The following MYO5B variants were observed in gnomAD, a reference collection of about 807,000 sequenced individuals.
MYO5B encodes the protein myosin VB, also known as unconventional myosin-Vb.
A neutral mutation model predicts 229.3 loss-of-function variants in MYO5B; 143 were observed. The observed-to-expected ratio is 0.62, with a 90% confidence interval of 0.54 to 0.72. The LOEUF (loss-of-function observed/expected upper bound fraction) is 0.72, where lower values mean the gene tolerates loss of function less well. Among genes scored for constraint, MYO5B ranks in the 30% least tolerant of loss-of-function variants. The pLI is 0.00. For synonymous variants in MYO5B, 918 were observed against 885.2 expected, an observed-to-expected ratio of 1.04 and a Z score of -0.66; for missense variants, 2,321 against 2,331.0, an observed-to-expected ratio of 1.00 and a Z score of 0.09.
intron 1 of MYO5B, among the ~76,000 whole-genome samples, chr18:50,105,568 G>A (rs554723182): frequency 6.6e-6 from 1 of 152,238 alleles, no homozygotes; most frequent in Non-Finnish European, 1.5e-5. Context: ...TATAGTGATG[G>A]AGGACAGGTC....
At position 50,055,314 on chromosome 18, in the gene MYO5B, T is replaced by C. The variant is rs527660873; in HGVS notation, c.92A>G (p.Tyr31Cys). 14 of 1,612,644 alleles carry C rather than the reference T, an allele frequency of 8.7e-6. No homozygotes were observed. The highest frequency in any genetic ancestry group is 3.3e-5 in the Admixed American group (2 of 59,918). The change falls in exon 2 of 40, where the codon TAC (tyrosine) becomes TGC (cysteine). Residue 31 changes from tyrosine to cysteine, a missense_variant. Coordinates refer to ENST00000285039, the MANE Select transcript of MYO5B (RefSeq NM_001080467.3). Reference protein sequence around the residue: ...VWRSAELTKDYKEGDKSLQLR... With the variant: ...VWRSAELTKDCKEGDKSLQLR... ...CTGTAGGCTCTTGTCTCCTTCTTTGTAGTCCTTGGTTAACTCAGCTGAGCG... is the reference window on the plus strand; with the variant it reads ...CTGTAGGCTCTTGTCTCCTTCTTTGCAGTCCTTGGTTAACTCAGCTGAGCG...
chr18:49,999,091 C>T (rs941123672), intron 5 of MYO5B, among the ~76,000 whole-genome samples: 1 of 152,212 alleles, frequency 6.6e-6, no homozygotes, highest in East Asian at 1.9e-4. Context: ...CACTAAACTT[C>T]CAGCATGACT....
At chr18:49,936,476 A>C in intron 15 of MYO5B, 127 bp from the exon 16 acceptor site, 1 of 768,888 alleles carries the variant, frequency 1.3e-6, no homozygotes, top group Non-Finnish European at 2.3e-6. Flanking sequence ...GGATGGAAGA[A>C]ATTTCAGAGA....
intron 7 of MYO5B, among the ~76,000 whole-genome samples, chr18:49,989,610 AG>A (rs1489922016): frequency 6.6e-6 from 1 of 152,200 alleles, no homozygotes; most frequent in Admixed American, 6.5e-5. Flanking sequence ...CACACAGAGA[AG>A]GGCCAAAGGC....
rs200099934 is a variant in MYO5B at position 49,939,139 on chromosome 18, C to CT, written c.1753-1743dup. 5.1e-4 allele frequency among the ~76,000 whole-genome samples: 66 copies of CT among 130,620 alleles called. 1 individual carries two copies. The highest frequency in any genetic ancestry group is 2.5e-4 in the South Asian group (1 of 4,078). 85.7% of individuals were successfully genotyped at this position (130,620 alleles called of 152,430 possible). Reference sequence around the variant, plus strand: ...GGGGTTATATACATTAACACTCTTTCTTTTTTTTCTTTTTTTTTTTTTTTT... The same window carrying CT: ...GGGGTTATATACATTAACACTCTTTCTTTTTTTTTCTTTTTTTTTTTTTTTT... On this transcript the variant is annotated intron_variant, in intron 14 of 39. Transcript: ENST00000285039.
rs543597434 is a variant in MYO5B, at chr18:50,183,482, T to C, written c.27+11285A>G. Among the ~76,000 whole-genome samples the C allele has an allele frequency of 2.0e-5, 3 of 151,846 alleles. No individual in the cohort carries two copies. The East Asian group carries it at 5.8e-4, about 29-fold the overall frequency. On this transcript the variant is annotated intron_variant, in intron 1 of 39. Coordinates refer to ENST00000285039, the MANE Select transcript of MYO5B (RefSeq NM_001080467.3). ...AGATGAGGAAAGGCTTCCAGGAGTC[T>C]CAGGTCATGGCCCAGAAAGAAAGCA...
At chr18:49,940,557 C>A (rs148042990) in intron 14 of MYO5B, among the ~76,000 whole-genome samples, 1 of 152,286 alleles carries the variant, frequency 6.6e-6, no homozygotes, top group Non-Finnish European at 1.5e-5. Flanking sequence ...GGCATAAGAC[C>A]ATCAGCAACT....
At chr18:49,958,299 C>T (rs73440570) in intron 12 of MYO5B, among the ~76,000 whole-genome samples, 17,848 of 152,202 alleles carry the variant, frequency 0.12, 1,172 homozygotes, top group African/African-American at 0.18. Flanking sequence ...AACTCCTAAA[C>T]CCCAATTTAT....
chr18:49,943,735 G>A (rs930874611), intron 14 of MYO5B, among the ~76,000 whole-genome samples: 1 of 152,140 alleles, frequency 6.6e-6, no homozygotes, highest in Non-Finnish European at 1.5e-5. Flanking sequence ...TCTATATCAT[G>A]GAGTTTATGG....
In MYO5B at chr18:50,123,045, G is replaced by A. The variant is rs111421547; in HGVS notation, c.28-67667C>T. On this transcript the variant is annotated intron_variant, in intron 1 of 39. Transcript: ENST00000285039. ...TGAATGGCAGCATTATTCACAACAG[G>A]TAAAAGGTGGAAACAACCCAAGTGT... Among the ~76,000 whole-genome samples the A allele has an allele frequency of 4.3e-3, 648 of 152,286 alleles. 2 individuals are homozygous for A. Among genetic ancestry groups the A allele is most frequent in the Non-Finnish European group, 7.4e-3 (504 of 68,024 alleles).
intron 1 of MYO5B, among the ~76,000 whole-genome samples, chr18:50,193,922 G>A (rs1336290198): frequency 1.3e-5 from 2 of 152,134 alleles, no homozygotes; most frequent in Admixed American, 6.5e-5. Context: ...TGCGGAACGC[G>A]GGCGTCTCCG....
chr18:49,885,901 A>G (rs923741860), intron 22 of MYO5B, among the ~76,000 whole-genome samples: 11 of 152,308 alleles, frequency 7.2e-5, no homozygotes, highest in Non-Finnish European at 1.6e-4. Context: ...TACACAATAC[A>G]ATACTATTAA....
At chr18:49,835,159 CAGTA>C (rs2023972618) in intron 39 of MYO5B, among the ~76,000 whole-genome samples, 181 bp downstream of exon 39, 1 of 152,116 alleles carries the variant, frequency 6.6e-6, no homozygotes, top group Non-Finnish European at 1.5e-5. Flanking sequence ...TGTGTGTAAA[CAGTA>C]AGTTACTCAT....
chr18:50,077,024 G>A (rs1599002649), intron 1 of MYO5B, among the ~76,000 whole-genome samples: 1 of 151,644 alleles, frequency 6.6e-6, no homozygotes, highest in Non-Finnish European at 1.5e-5. Flanking sequence ...TGCCTGCAAA[G>A]ATGTCATCAG....
At position 50,040,188 on chromosome 18, in the gene MYO5B, A is replaced by G; in HGVS notation, c.265T>C (p.Leu89=). 6.2e-7 allele frequency: 1 copy of G among 1,614,148 alleles called. No homozygotes were observed. The change falls in exon 3 of 40, where the codon TTG becomes CTG. Residue 89 remains leucine (L), a synonymous_variant. Coordinates refer to ENST00000285039, the MANE Select transcript of MYO5B (RefSeq NM_001080467.3). The stretch of plus-strand genomic sequence containing the variant: ...TTGGACTCCAGGAAACGGACCTTCA[A>G]ATTATGCAAAACTGCAGGCTCATGA... The part of the protein sequence containing the change: ...YLHEPAVLHN[L]KVRFLESNHI...
intron 14 of MYO5B, among the ~76,000 whole-genome samples, chr18:49,951,972 T>C (rs551695437): frequency 1.6e-4 from 25 of 152,324 alleles, no homozygotes; most frequent in Non-Finnish European, 2.4e-4. Context: ...CAATCTTGCA[T>C]TGAACTCCAA....
chr18:50,044,837 A>G (rs1266494416), intron 2 of MYO5B, among the ~76,000 whole-genome samples: 1 of 151,816 alleles, frequency 6.6e-6, no homozygotes. Flanking sequence ...TCTGCAGCCT[A>G]TGCTTTGTCC....
chr18:49,868,254 A>T (rs1001796000), intron 27 of MYO5B, among the ~76,000 whole-genome samples: 1 of 152,184 alleles, frequency 6.6e-6, no homozygotes, highest in African/African-American at 2.4e-5. Flanking sequence ...TTCTAAGATG[A>T]ACAGAATTAC....
chr18:50,139,877 A>G (rs1410790791), intron 1 of MYO5B, among the ~76,000 whole-genome samples: 1 of 152,236 alleles, frequency 6.6e-6, no homozygotes, highest in Non-Finnish European at 1.5e-5. Flanking sequence ...ATCTCCAGAA[A>G]CAAATCTACC....
Sources: allele counts gnomAD v4.1 joint callset (sites outside exome capture counted in the v4.1 genomes callset), GRCh38; gene constraint gnomAD v4.1.1; transcripts MANE v1.5; gene names NCBI Gene and HGNC (gene_info 2026-07-23, HGNC 2026-07-21).